The following SYNDIG1 variants were observed in gnomAD, a reference collection of about 807,000 sequenced individuals.
SYNDIG1 encodes synapse differentiation inducing 1.
Under a neutral mutation model 19.4 loss-of-function variants are expected in SYNDIG1, and 9 were observed. That is an observed-to-expected ratio of 0.46 (90% CI 0.28 to 0.81). The LOEUF (loss-of-function observed/expected upper bound fraction) is 0.81, where lower values mean the gene tolerates loss of function less well. Ranked by LOEUF, SYNDIG1 falls within the 30% of genes least tolerant of loss-of-function variation. SYNDIG1 has a pLI of 0.12. For synonymous variants in SYNDIG1, 141 were observed against 145.9 expected, an observed-to-expected ratio of 0.97 and a Z score of 0.24; for missense variants, 311 against 343.3, an observed-to-expected ratio of 0.91 and a Z score of 0.74.
intron 1 of SYNDIG1, among the ~76,000 whole-genome samples, chr20:24,481,529 CA>C (rs1163313725): frequency 6.6e-6 from 1 of 152,256 alleles, no homozygotes; most frequent in East Asian, 1.9e-4. Flanking sequence ...ACCGTCTCCA[CA>C]GCCACTCTGG....
chr20:24,571,727 A>G (rs2058147852), intron 2 of SYNDIG1, among the ~76,000 whole-genome samples: 1 of 152,232 alleles, frequency 6.6e-6, no homozygotes, highest in Non-Finnish European at 1.5e-5. Context: ...AATTACCTAG[A>G]ACACCCCAGC....
intron 1 of SYNDIG1, among the ~76,000 whole-genome samples, chr20:24,507,558 C>T (rs886875983): frequency 3.9e-5 from 6 of 152,318 alleles, no homozygotes; most frequent in Non-Finnish European, 5.9e-5. Context: ...CTCTGCTGCG[C>T]GCCTGGAGCC....
intron 3 of SYNDIG1, among the ~76,000 whole-genome samples, chr20:24,603,910 A>C (rs1798571063): frequency 6.6e-6 from 1 of 152,168 alleles, no homozygotes; most frequent in Non-Finnish European, 1.5e-5. Context: ...AACTGCCCCC[A>C]ACCAGGAGCA....
chr20:24,507,696 G>A (rs534826300), intron 1 of SYNDIG1, among the ~76,000 whole-genome samples: 43 of 152,322 alleles, frequency 2.8e-4, no homozygotes, highest in African/African-American at 9.6e-4. Flanking sequence ...AAGAAACTGA[G>A]CAGTATCGGG....
intron 2 of SYNDIG1, among the ~76,000 whole-genome samples, chr20:24,560,418 T>G (rs2146872740): frequency 6.6e-6 from 1 of 152,238 alleles, no homozygotes; most frequent in South Asian, 2.1e-4. Flanking sequence ...TAATTGATCT[T>G]TCAAATGTGT....
intron 2 of SYNDIG1, among the ~76,000 whole-genome samples, chr20:24,544,257 C>T (rs1181872488): frequency 6.6e-6 from 1 of 152,174 alleles, no homozygotes; most frequent in East Asian, 1.9e-4. Flanking sequence ...CAGGACAGCA[C>T]CGGTGAGAGG....
At chr20:24,547,388 G>A (rs1201312077) in intron 2 of SYNDIG1, among the ~76,000 whole-genome samples, 1 of 152,228 alleles carries the variant, frequency 6.6e-6, no homozygotes, top group Non-Finnish European at 1.5e-5. Context: ...AGGTTCTATG[G>A]CTAACTTTGA....
At chr20:24,521,350 C>A (rs1459703643) in intron 1 of SYNDIG1, among the ~76,000 whole-genome samples, 4 of 151,996 alleles carry the variant, frequency 2.6e-5, no homozygotes, top group African/African-American at 9.7e-5. Flanking sequence ...CTCTGTTGCC[C>A]AGGCTGGAGT....
chr20:24,655,120 G>A (rs1434761210), intron 3 of SYNDIG1, among the ~76,000 whole-genome samples: 1 of 152,148 alleles, frequency 6.6e-6, no homozygotes, highest in Non-Finnish European at 1.5e-5. Flanking sequence ...CCAAAGTGAG[G>A]CATCAAAGAG....
chr20:24,603,706 T>C (rs1296351510), intron 3 of SYNDIG1, among the ~76,000 whole-genome samples: 4 of 151,816 alleles, frequency 2.6e-5, no homozygotes, highest in Non-Finnish European at 5.9e-5. Context: ...TCAGGAGGAG[T>C]TGTCAGAAAG....
At chr20:24,480,550 T>G (rs1157020621) in intron 1 of SYNDIG1, among the ~76,000 whole-genome samples, 1 of 152,228 alleles carries the variant, frequency 6.6e-6, no homozygotes, top group Non-Finnish European at 1.5e-5. Context: ...GTAGTTGCTA[T>G]GGAAAATAGT....
chr20:24,549,244 C>G (rs1262417793), intron 2 of SYNDIG1, among the ~76,000 whole-genome samples: 1 of 152,142 alleles, frequency 6.6e-6, no homozygotes, highest in Admixed American at 6.6e-5. Context: ...CCACTCTCTA[C>G]TATTCTTCCT....
intron 3 of SYNDIG1, among the ~76,000 whole-genome samples, chr20:24,618,117 G>A (rs2058974343): frequency 6.9e-6 from 1 of 144,562 alleles, no homozygotes; most frequent in Admixed American, 6.7e-5. Flanking sequence ...GGGAAAGCCC[G>A]GGGAGGGGGG....
intron 1 of SYNDIG1, among the ~76,000 whole-genome samples, chr20:24,531,255 G>A (rs187171814): frequency 3.0e-4 from 45 of 152,220 alleles, no homozygotes; most frequent in African/African-American, 3.4e-4. Context: ...TTTCTAATTA[G>A]CCACACAGGG....
intron 1 of SYNDIG1, among the ~76,000 whole-genome samples, chr20:24,495,214 G>A (rs1161113560): frequency 6.6e-6 from 1 of 152,236 alleles, no homozygotes; most frequent in Non-Finnish European, 1.5e-5. Flanking sequence ...TCAGAAGGGA[G>A]GGTGGATTTC....
chr20:24,493,004 G>C (rs940408709), intron 1 of SYNDIG1, among the ~76,000 whole-genome samples: 1 of 152,214 alleles, frequency 6.6e-6, no homozygotes, highest in Non-Finnish European at 1.5e-5. Flanking sequence ...AATCTACAAG[G>C]CTTCAGGCAG....
intron 3 of SYNDIG1, among the ~76,000 whole-genome samples, chr20:24,622,052 T>C (rs1455987975): frequency 6.6e-6 from 1 of 152,104 alleles, no homozygotes; most frequent in African/African-American, 2.4e-5. Context: ...AAAATAATCA[T>C]CAGAACCAAA....
At chr20:24,521,170 A>G (rs1171492789) in intron 1 of SYNDIG1, among the ~76,000 whole-genome samples, 1 of 152,158 alleles carries the variant, frequency 6.6e-6, no homozygotes, top group African/African-American at 2.4e-5. Flanking sequence ...AGGCTGACTA[A>G]TAATTCAGGG....
chr20:24,494,135 C>A (rs900920587), intron 1 of SYNDIG1, among the ~76,000 whole-genome samples: 5 of 151,784 alleles, frequency 3.3e-5, no homozygotes, highest in African/African-American at 1.2e-4. Flanking sequence ...AGTACAGGGG[C>A]AGGGAAGAGG....
Sources: allele counts gnomAD v4.1 joint callset (sites outside exome capture counted in the v4.1 genomes callset), GRCh38; gene constraint gnomAD v4.1.1; transcripts MANE v1.5; gene names NCBI Gene and HGNC (gene_info 2026-07-23, HGNC 2026-07-21).